GRID2: variants seen among roughly 807,000 people sequenced by gnomAD.
The protein encoded by GRID2 is glutamate receptor ionotropic, delta-2.
Under a neutral mutation model 114.8 loss-of-function variants are expected in GRID2, and 33 were observed. The ratio of observed to expected loss-of-function variants is 0.29; its 90% CI spans 0.22 to 0.38. The LOEUF is 0.38. Among genes scored for constraint, GRID2 ranks in the 10% least tolerant of loss-of-function variants. The pLI, the probability that GRID2 is intolerant of heterozygous loss-of-function variation, is 1.00. For synonymous variants in GRID2, 505 were observed against 449.9 expected, an observed-to-expected ratio of 1.12 and a Z score of -1.55; for missense variants, 1,184 against 1,257.7, an observed-to-expected ratio of 0.94 and a Z score of 0.89.
At chr4:92,454,705 A>G (rs1721116966) in intron 1 of GRID2, among the ~76,000 whole-genome samples, 1 of 152,150 alleles carries the variant, frequency 6.6e-6, no homozygotes, top group Non-Finnish European at 1.5e-5. Context: ...GCGTGTTGGC[A>G]GGCGCCTGTA....
intron 9 of GRID2, among the ~76,000 whole-genome samples, chr4:93,420,618 C>A (rs2149364975): frequency 6.6e-6 from 1 of 152,104 alleles, no homozygotes; most frequent in South Asian, 2.1e-4. Flanking sequence ...AACCTCTCAT[C>A]TACTGATCTA....
intron 9 of GRID2, among the ~76,000 whole-genome samples, chr4:93,417,756 A>T (rs1044406607): frequency 9.2e-5 from 14 of 151,870 alleles, no homozygotes; most frequent in Admixed American, 8.6e-4. Context: ...TCTCTTAAAC[A>T]TTCATTCATT....
chr4:93,476,727 A>G (rs1162875087), intron 11 of GRID2, among the ~76,000 whole-genome samples: 4 of 152,156 alleles, frequency 2.6e-5, no homozygotes, highest in African/African-American at 9.6e-5. Flanking sequence ...TACGTAGTAG[A>G]AACAATACAT....
intron 1 of GRID2, among the ~76,000 whole-genome samples, chr4:92,562,638 C>T (rs991780427): frequency 6.6e-6 from 1 of 152,022 alleles, no homozygotes; most frequent in Non-Finnish European, 1.5e-5. Context: ...CCGGTAGGCC[C>T]GACCTAGAAA....
rs1482019892 is a variant in GRID2, at chr4:93,793,935, T to C, written c.222-12780T>C. On this transcript the variant is annotated intron_variant, in intron 1 of 1. Transcript: ENST00000637838. ...AGGGTGAAATGCCAAGAATCTTCCC[T>C]CTTTTCAGGGGTCAGTTCTGGGTTA... Among the ~76,000 whole-genome samples the C allele has an allele frequency of 9.2e-5, 14 of 152,238 alleles. No homozygotes were observed. In the East Asian group the frequency reaches 2.5e-3, roughly 27 times the overall value.
chr4:93,548,290 T>A (rs1733423066), intron 13 of GRID2, among the ~76,000 whole-genome samples: 1 of 152,064 alleles, frequency 6.6e-6, no homozygotes, highest in Non-Finnish European at 1.5e-5. Context: ...CAATGTCTTA[T>A]CCAAAGAATG....
intron 13 of GRID2, among the ~76,000 whole-genome samples, chr4:93,544,206 A>G (rs987835142): frequency 2.6e-5 from 4 of 152,138 alleles, no homozygotes; most frequent in African/African-American, 9.7e-5. Context: ...AACTAATGAC[A>G]CTTGTTCTCA....
chr4:93,424,733 G>T (rs1479308400), intron 10 of GRID2, among the ~76,000 whole-genome samples: 1 of 152,002 alleles, frequency 6.6e-6, no homozygotes, highest in East Asian at 1.9e-4. Flanking sequence ...TAAATATAGA[G>T]AATTATTTCT....
At chr4:93,369,073 A>G (rs533532715) in intron 8 of GRID2, among the ~76,000 whole-genome samples, 1 of 152,312 alleles carries the variant, frequency 6.6e-6, no homozygotes, top group South Asian at 2.1e-4. Flanking sequence ...AACAACGGAA[A>G]TTTATTCTCT....
chr4:93,411,858 G>A (rs948795438), intron 9 of GRID2, among the ~76,000 whole-genome samples: 5 of 150,570 alleles, frequency 3.3e-5, no homozygotes, highest in Admixed American at 2.0e-4. Flanking sequence ...CCTTCTAACT[G>A]TTGACAGTTT....
chr4:93,599,022 A>G lies in GRID2; in HGVS notation c.2194-27247A>G, dbSNP rs567274924. Among the ~76,000 whole-genome samples the G allele has an allele frequency of 2.6e-5, 4 of 152,298 alleles. No individual in the cohort carries two copies. The South Asian group carries it at 8.3e-4, about 32-fold the overall frequency. On this transcript the variant is annotated intron_variant, in intron 13 of 15. Transcript: ENST00000282020. Reference sequence around the variant, plus strand: ...TTCAGTAATTACATATATAATCTAGACTAAGAAAATCATATTCTGAATTAA... The same window carrying G: ...TTCAGTAATTACATATATAATCTAGGCTAAGAAAATCATATTCTGAATTAA...
rs578028710 is a variant in GRID2 at position 93,618,535 on chromosome 4, T to C, written c.2194-7734T>C. On this transcript the variant is annotated intron_variant, in intron 13 of 15. Transcript: ENST00000282020. ...AGAAGCAGCTAAGGGCTCTCCAGTC[T>C]TCTGGTCTGACCCAAGGCACAGGAC... Among the ~76,000 whole-genome samples, 5 of 152,334 alleles carry C rather than the reference T, an allele frequency of 3.3e-5. No individual in the cohort carries two copies. The South Asian group carries it at 1.0e-3, about 32-fold the overall frequency.
chr4:92,824,350 A>AT (rs1175281160), intron 2 of GRID2, among the ~76,000 whole-genome samples: 1 of 151,784 alleles, frequency 6.6e-6, no homozygotes, highest in Non-Finnish European at 1.5e-5. Flanking sequence ...AGTAGCTATG[A>AT]TTTTTTTCCC....
chr4:93,520,868 A>C (rs1301261917), intron 13 of GRID2, among the ~76,000 whole-genome samples: 1 of 152,162 alleles, frequency 6.6e-6, no homozygotes, highest in Non-Finnish European at 1.5e-5. Context: ...TGAGCAGAAG[A>C]GTGACGCAAC....
chr4:92,909,454 C>T (rs1267356685), intron 2 of GRID2, among the ~76,000 whole-genome samples: 1 of 151,854 alleles, frequency 6.6e-6, no homozygotes, highest in African/African-American at 2.4e-5. Flanking sequence ...TAATATATAT[C>T]TTCTAAAATA....
intron 4 of GRID2, among the ~76,000 whole-genome samples, chr4:93,152,927 C>T (rs766214737): frequency 1.3e-5 from 2 of 152,022 alleles, no homozygotes; most frequent in Non-Finnish European, 2.9e-5. Flanking sequence ...CCTGGTTGTC[C>T]ATGTTTATCA....
chr4:92,504,325 G>T (rs1371679562), intron 1 of GRID2, among the ~76,000 whole-genome samples: 1 of 151,984 alleles, frequency 6.6e-6, no homozygotes, highest in Admixed American at 6.6e-5. Flanking sequence ...ATTCCTAGAG[G>T]CCTCTGTGTG....
At chr4:92,365,581 A>T (rs1728823669) in intron 1 of GRID2, among the ~76,000 whole-genome samples, 1 of 152,010 alleles carries the variant, frequency 6.6e-6, no homozygotes, top group South Asian at 2.1e-4. Flanking sequence ...TTTGAAATCT[A>T]TTCCACAACA....
chr4:92,656,479 A>AG (rs1362571264), intron 2 of GRID2, among the ~76,000 whole-genome samples: 1 of 151,684 alleles, frequency 6.6e-6, no homozygotes, highest in East Asian at 1.9e-4. Flanking sequence ...AATTAAAAAA[A>AG]AAAACACTTT....
Sources: gnomAD v4.1 joint callset for allele counts (sites outside exome capture counted in the v4.1 genomes callset) on GRCh38, gnomAD v4.1.1 for gene constraint, MANE v1.5 for transcripts, NCBI Gene and HGNC (gene_info 2026-07-23, HGNC 2026-07-21) for gene names.